The following NEBL variants were observed in gnomAD, a reference collection of about 807,000 sequenced individuals.
NEBL encodes the protein LIM and SH3 protein 2.
NEBL carries 122 observed loss-of-function variants against 140.2 expected under a neutral mutation model. That is an observed-to-expected ratio of 0.87 (90% CI 0.75 to 1.01). NEBL has a LOEUF of 1.01. Among genes scored for constraint, NEBL ranks in the 50% least tolerant of loss-of-function variants. The probability of loss-of-function intolerance (pLI) is 0.00; values close to 1 mark genes in which losing one functional copy is unlikely to be tolerated. For missense variants in NEBL, 1,365 were observed against 1,231.3 expected (o/e 1.11, Z -1.62); for synonymous variants, 436 against 398.9 (o/e 1.09, Z -1.11).
intron 12 of NEBL, among the ~76,000 whole-genome samples, chr10:20,844,006 C>G (rs1476583809): frequency 1.3e-5 from 2 of 152,064 alleles, no homozygotes; most frequent in Non-Finnish European, 2.9e-5. Context: ...CACAGCTCTA[C>G]TCTCTAGGAA....
chr10:21,046,241 G>C (rs563933790), intron 2 of NEBL, among the ~76,000 whole-genome samples: 1 of 152,212 alleles, frequency 6.6e-6, no homozygotes, highest in African/African-American at 2.4e-5. Context: ...GAGAGGAATA[G>C]GGAGATGTTG....
At chr10:20,968,427 C>A (rs1836426064) in intron 3 of NEBL, among the ~76,000 whole-genome samples, 1 of 152,058 alleles carries the variant, frequency 6.6e-6, no homozygotes, top group South Asian at 2.1e-4. Flanking sequence ...AGGAGGAATA[C>A]CTCAGCCCAG....
In NEBL at chr10:21,132,769, G is replaced by A. The variant is rs780492641; in HGVS notation, c.164+39614C>T. Among the ~76,000 whole-genome samples the A allele has an allele frequency of 5.9e-5, 9 of 152,200 alleles. No individual in the cohort carries two copies. In the Middle Eastern group the frequency reaches 0.01, roughly 173 times the overall value. On this transcript the variant is annotated intron_variant, in intron 2 of 6. Coordinates refer to the NEBL transcript ENST00000417816. ...GCCTTCTTTCATGTGTTTATTGACCGTGAATCTTCTTGGGAGAAATGTCTA... is the reference window on the plus strand; with the variant it reads ...GCCTTCTTTCATGTGTTTATTGACCATGAATCTTCTTGGGAGAAATGTCTA...
chr10:21,025,830 G>C (rs1018762393), intron 2 of NEBL, among the ~76,000 whole-genome samples: 5 of 152,114 alleles, frequency 3.3e-5, no homozygotes, highest in Non-Finnish European at 5.9e-5. Flanking sequence ...CAGGCTTGCT[G>C]CAAAATTCAC....
chr10:20,823,076 T>A (rs1012050094), intron 19 of NEBL, 132 bp downstream of exon 19: 1 of 655,754 alleles, frequency 1.5e-6, no homozygotes, highest in Non-Finnish European at 2.6e-6. Context: ...AAATGCTAGC[T>A]CCACTTTTAA....
intron 1 of NEBL, among the ~76,000 whole-genome samples, chr10:21,256,687 T>C (rs1842663761): frequency 6.6e-6 from 1 of 152,060 alleles, no homozygotes; most frequent in Non-Finnish European, 1.5e-5. Context: ...GAGTATTATC[T>C]GGGTACAGTG....
intron 1 of NEBL, among the ~76,000 whole-genome samples, chr10:21,265,756 A>G (rs1425386593): frequency 6.6e-6 from 1 of 152,240 alleles, no homozygotes; most frequent in African/African-American, 2.4e-5. Context: ...TTTCCAAGCC[A>G]GGCAGTCTCT....
chr10:20,821,369 A>G (rs1354467403), intron 19 of NEBL, among the ~76,000 whole-genome samples: 2 of 152,174 alleles, frequency 1.3e-5, no homozygotes, highest in Non-Finnish European at 2.9e-5. Context: ...TAAGATCTGG[A>G]GTTAGGATCA....
chr10:20,861,078 G>A (rs1270563333), intron 7 of NEBL, among the ~76,000 whole-genome samples: 1 of 152,038 alleles, frequency 6.6e-6, no homozygotes, highest in Non-Finnish European at 1.5e-5. Flanking sequence ...ATTATTTTGT[G>A]TCTTGAAATC....
At chr10:21,192,906 AT>A (rs1192441040) in intron 3 of NEBL, among the ~76,000 whole-genome samples, 1 of 152,168 alleles carries the variant, frequency 6.6e-6, no homozygotes, top group Admixed American at 6.5e-5. Flanking sequence ...ACATAAAAAA[AT>A]ATACAAACAC....
chr10:21,190,593 TTG>T (rs1841556012), intron 3 of NEBL, among the ~76,000 whole-genome samples: 2 of 152,242 alleles, frequency 1.3e-5, no homozygotes, highest in African/African-American at 4.8e-5. Flanking sequence ...GATGCTCTAC[TTG>T]TTGATTATTA....
intron 3 of NEBL, among the ~76,000 whole-genome samples, chr10:21,236,532 A>G (rs1842353147): frequency 6.6e-6 from 1 of 151,970 alleles, no homozygotes; most frequent in Admixed American, 6.6e-5. Flanking sequence ...TATTTTTAGT[A>G]GAGACAAGGT....
intron 1 of NEBL, among the ~76,000 whole-genome samples, chr10:21,264,696 TAAAAAAAAAA>T (rs71392177): frequency 8.1e-4 from 25 of 30,684 alleles, no homozygotes; most frequent in African/African-American, 1.8e-3. Flanking sequence ...AGTTGCTATT[TAAAAAAAAAA>T]AAAAAAAAAA....
At chr10:20,806,249 C>T (rs1837606311) in intron 26 of NEBL, among the ~76,000 whole-genome samples, 1 of 152,066 alleles carries the variant, frequency 6.6e-6, no homozygotes, top group South Asian at 2.1e-4. Context: ...GTAGAGGCAT[C>T]CAAGCAGAGG....
At chr10:21,139,361 A>G (rs1375793555) in intron 2 of NEBL, among the ~76,000 whole-genome samples, 1 of 152,160 alleles carries the variant, frequency 6.6e-6, no homozygotes, top group Non-Finnish European at 1.5e-5. Flanking sequence ...AGCAAAAGAA[A>G]TGCAGAATGT....
At position 20,785,584 on chromosome 10, in the gene NEBL, C is replaced by CTCT. The variant is rs1330184952; in HGVS notation, c.*162_*163insAGA. On this transcript the variant is annotated 3_prime_UTR_variant, in exon 28 of 28. Coordinates refer to ENST00000377122, the MANE Select transcript of NEBL (RefSeq NM_006393.3). The stretch of plus-strand genomic sequence containing the variant: ...TACTGAAAATGCTGCTGTTTTCAGC[C>CTCT]CAGAGGTCATTCCTTCTTCCTGGTA... 1.2e-6 allele frequency: 1 copy of CTCT among 816,344 alleles called. No individual in the cohort carries two copies. The highest frequency in any genetic ancestry group is 2.0e-6 in the Non-Finnish European group (1 of 508,248). The allele number at this position is 816,344 out of a possible 1,614,324, so 50.6% of individuals were successfully genotyped here.
intron 3 of NEBL, among the ~76,000 whole-genome samples, chr10:20,992,773 T>G (rs1211881425): frequency 8.6e-6 from 1 of 116,478 alleles, no homozygotes; most frequent in Non-Finnish European, 1.8e-5. Flanking sequence ...GTCTTTTTTT[T>G]TTTTTTTTTT....
intron 3 of NEBL, among the ~76,000 whole-genome samples, chr10:21,237,344 A>G (rs1431096141): frequency 2.0e-5 from 3 of 151,608 alleles, no homozygotes; most frequent in Admixed American, 1.3e-4. Context: ...AGCTAAGATT[A>G]CAGGCGCAAG....
At chr10:21,057,018 T>TA (rs143826889) in intron 2 of NEBL, among the ~76,000 whole-genome samples, 1,770 of 152,106 alleles carry the variant, frequency 0.012, 18 homozygotes, top group Middle Eastern at 0.027. Context: ...AAGTATTATT[T>TA]AAAAAAACAG....
Sources: gnomAD v4.1 joint callset for allele counts (sites outside exome capture counted in the v4.1 genomes callset) on GRCh38, gnomAD v4.1.1 for gene constraint, MANE v1.5 for transcripts, NCBI Gene and HGNC (gene_info 2026-07-23, HGNC 2026-07-21) for gene names.